Variants in ADAMTSL1 observed in about 807,000 individuals in gnomAD.
The protein encoded by ADAMTSL1 is ADAMTS like 1, also known as ADAMTS-like protein 1.
ADAMTSL1 carries 126 observed loss-of-function variants against 201.8 expected under a neutral mutation model. That is an observed-to-expected ratio of 0.62 (90% CI 0.54 to 0.72). The LOEUF is 0.72. Ranked by LOEUF, ADAMTSL1 falls within the 30% of genes least tolerant of loss-of-function variation. The pLI, the probability that ADAMTSL1 is intolerant of heterozygous loss-of-function variation, is 0.00. For missense variants in ADAMTSL1, 2,679 were observed against 2,277.8 expected (o/e 1.18, Z -3.59); for synonymous variants, 1,121 against 903.4 (o/e 1.24, Z -4.32).
chr9:18,508,408 T>C (rs1266720409), intron 2 of ADAMTSL1, among the ~76,000 whole-genome samples: 1 of 152,224 alleles, frequency 6.6e-6, no homozygotes, highest in Non-Finnish European at 1.5e-5. Flanking sequence ...TCAGACATTT[T>C]GGATGATTTC....
chr9:18,866,457 T>A (rs1052519363), intron 23 of ADAMTSL1, among the ~76,000 whole-genome samples: 1 of 152,226 alleles, frequency 6.6e-6, no homozygotes, highest in African/African-American at 2.4e-5. Flanking sequence ...AACAGATTAG[T>A]GACAGAAAAG....
chr9:18,202,113 G>T (rs944023597), intron 2 of ADAMTSL1, among the ~76,000 whole-genome samples: 2 of 152,188 alleles, frequency 1.3e-5, no homozygotes, highest in East Asian at 3.9e-4. Context: ...AAATAAAGTG[G>T]GTTGTAAACA....
At chr9:18,321,724 C>G (rs926858061) in intron 2 of ADAMTSL1, among the ~76,000 whole-genome samples, 5 of 149,820 alleles carry the variant, frequency 3.3e-5, no homozygotes, top group Non-Finnish European at 5.9e-5. Context: ...ACCCGGGAGG[C>G]GGAGCTTGCA....
intron 17 of ADAMTSL1, among the ~76,000 whole-genome samples, chr9:18,774,256 C>G (rs566526652): frequency 3.3e-5 from 5 of 152,104 alleles, no homozygotes; most frequent in South Asian, 2.1e-4. Context: ...ATGTCACCCC[C>G]CTCTTCAGTG....
chr9:18,169,681 T>G (rs1050648908), intron 2 of ADAMTSL1, among the ~76,000 whole-genome samples: 3 of 152,140 alleles, frequency 2.0e-5, no homozygotes, highest in Admixed American at 2.0e-4. Context: ...GGTAGCTTGA[T>G]GGAGATGGCA....
intron 2 of ADAMTSL1, among the ~76,000 whole-genome samples, chr9:18,402,028 A>G (rs1448246877): frequency 6.6e-6 from 1 of 152,216 alleles, no homozygotes; most frequent in Non-Finnish European, 1.5e-5. Context: ...CTATCTGGTG[A>G]TAGGCGAACT....
At chr9:18,184,355 G>A (rs797000034) in intron 2 of ADAMTSL1, among the ~76,000 whole-genome samples, 1 of 152,050 alleles carries the variant, frequency 6.6e-6, no homozygotes, top group Non-Finnish European at 1.5e-5. Context: ...CTGCAGTGAA[G>A]GAAATATCAA....
At chr9:18,089,751 A>T (rs1019158310) in intron 1 of ADAMTSL1, among the ~76,000 whole-genome samples, 2 of 152,214 alleles carry the variant, frequency 1.3e-5, no homozygotes, top group South Asian at 2.1e-4. Flanking sequence ...GTCAGGGTCT[A>T]GAGGGAGGAG....
intron 1 of ADAMTSL1, among the ~76,000 whole-genome samples, chr9:18,051,252 G>C (rs1261680133): frequency 6.6e-6 from 1 of 152,158 alleles, no homozygotes; most frequent in Non-Finnish European, 1.5e-5. Flanking sequence ...AGTGAGCTGA[G>C]ATGGTGCCAC....
rs181641758 is a variant in ADAMTSL1 at position 18,812,608 on chromosome 9, A to G, written c.3806-4501A>G. Among the ~76,000 whole-genome samples, 4 of 152,310 alleles carry G rather than the reference A, an allele frequency of 2.6e-5. No homozygotes were observed. In the East Asian group the frequency reaches 7.7e-4, roughly 29 times the overall value. Reference sequence around the variant, plus strand: ...ATGTTTTTGGGATCTTATCTAAAAAATTGCTGCCCAGACTAATGTCATGAA... The same window carrying G: ...ATGTTTTTGGGATCTTATCTAAAAAGTTGCTGCCCAGACTAATGTCATGAA... On this transcript the variant is annotated intron_variant, in intron 20 of 28. Coordinates refer to ENST00000380548, the MANE Select transcript of ADAMTSL1 (RefSeq NM_001040272.6).
chr9:17,907,299 C>A (rs1021155571), intron 1 of ADAMTSL1, among the ~76,000 whole-genome samples: 3 of 152,188 alleles, frequency 2.0e-5, no homozygotes, highest in African/African-American at 4.8e-5. Context: ...CCCCCTCTCT[C>A]GTTCCAGGCT....
chr9:18,708,011 C>T lies in ADAMTSL1; in HGVS notation c.1876+963C>T, dbSNP rs116456613. 8.2e-3 allele frequency among the ~76,000 whole-genome samples: 1,249 copies of T among 152,306 alleles called. 24 individuals are homozygous for T. The highest frequency in any genetic ancestry group is 0.028 in the African/African-American group (1,158 of 41,558). On this transcript the variant is annotated intron_variant, in intron 14 of 28. Transcript: ENST00000380548. ...AGAGAAATTTTAATAGATGAGGGAG[C>T]GCCAGCTGATTTCTTGCCAGATCTT...
chr9:18,865,577 C>G (rs7875393), intron 23 of ADAMTSL1, among the ~76,000 whole-genome samples: 1 of 152,144 alleles, frequency 6.6e-6, no homozygotes, highest in Non-Finnish European at 1.5e-5. Flanking sequence ...CTGTCCCATT[C>G]TAAACTTTTC....
chr9:18,524,514 G>A (rs1454991813), intron 2 of ADAMTSL1, among the ~76,000 whole-genome samples: 2 of 152,126 alleles, frequency 1.3e-5, no homozygotes, highest in African/African-American at 2.4e-5. Context: ...TCCCTGTTTT[G>A]TGCCAGTTTT....
At chr9:18,660,328 G>T (rs1828999365) in intron 8 of ADAMTSL1, among the ~76,000 whole-genome samples, 1 of 152,194 alleles carries the variant, frequency 6.6e-6, no homozygotes, top group Non-Finnish European at 1.5e-5. Context: ...TCTGGTTCCA[G>T]ATTCAACTGG....
intron 1 of ADAMTSL1, among the ~76,000 whole-genome samples, chr9:18,029,771 T>C (rs1820863560): frequency 6.6e-6 from 1 of 152,214 alleles, no homozygotes; most frequent in African/African-American, 2.4e-5. Context: ...AGAAGACATG[T>C]ATGTAGCCAA....
intron 14 of ADAMTSL1, among the ~76,000 whole-genome samples, chr9:18,714,212 A>G (rs1189132928): frequency 1.3e-5 from 2 of 151,932 alleles, no homozygotes; most frequent in Non-Finnish European, 2.9e-5. Context: ...GAGCAAACAC[A>G]TTCAAAAGCT....
chr9:18,375,077 A>G (rs944823458), intron 2 of ADAMTSL1, among the ~76,000 whole-genome samples: 22 of 152,224 alleles, frequency 1.4e-4, no homozygotes, highest in Non-Finnish European at 4.4e-5. Flanking sequence ...ATCAGCCTGG[A>G]TCACCAGATA....
intron 1 of ADAMTSL1, among the ~76,000 whole-genome samples, chr9:18,149,314 G>T (rs1826798819): frequency 6.6e-6 from 1 of 152,050 alleles, no homozygotes; most frequent in East Asian, 1.9e-4. Flanking sequence ...ATCATGGTGG[G>T]TTCAGAAGGC....
Sources: allele counts gnomAD v4.1 joint callset (sites outside exome capture counted in the v4.1 genomes callset), GRCh38; gene constraint gnomAD v4.1.1; transcripts MANE v1.5; gene names NCBI Gene and HGNC (gene_info 2026-07-23, HGNC 2026-07-21).